The following MAP3K7CL variants were observed in gnomAD, a reference collection of about 807,000 sequenced individuals.
The protein encoded by MAP3K7CL is MAP3K7 C-terminal-like protein.
Under a neutral mutation model 18.6 loss-of-function variants are expected in MAP3K7CL, and 16 were observed. That is an observed-to-expected ratio of 0.86 (90% CI 0.58 to 1.31). The LOEUF (loss-of-function observed/expected upper bound fraction) is 1.31. Among genes scored for constraint, MAP3K7CL ranks in the 50% most tolerant of loss-of-function variants. The pLI is 0.00. For missense variants in MAP3K7CL, 163 were observed against 174.4 expected (o/e 0.93, Z 0.37); for synonymous variants, 65 against 66.8 (o/e 0.97, Z 0.13).
At chr21:29,150,169 T>C (rs1377200626) in intron 3 of MAP3K7CL, among the ~76,000 whole-genome samples, 1 of 152,216 alleles carries the variant, frequency 6.6e-6, no homozygotes, top group East Asian at 1.9e-4. Flanking sequence ...TGTCCTAACG[T>C]CATTTGAGTT....
At chr21:29,097,848 A>G (rs2086149974) in intron 4 of MAP3K7CL, among the ~76,000 whole-genome samples, 2 of 152,196 alleles carry the variant, frequency 1.3e-5, no homozygotes, top group Admixed American at 1.3e-4. Context: ...CTCAATTAAC[A>G]TAAACTGGTT....
chr21:29,145,880 C>G (rs914394604), intron 2 of MAP3K7CL, among the ~76,000 whole-genome samples: 1 of 148,176 alleles, frequency 6.7e-6, no homozygotes, highest in East Asian at 2.0e-4. Context: ...TTTATTTCAA[C>G]TCAAGGAGTC....
At chr21:29,088,810 C>T (rs2085970081) in intron 1 of MAP3K7CL, among the ~76,000 whole-genome samples, 1 of 152,086 alleles carries the variant, frequency 6.6e-6, no homozygotes, top group Non-Finnish European at 1.5e-5. Context: ...TCTTTGTTCT[C>T]CAGTTCAGAA....
At chr21:29,110,982 C>T (rs1036026781) in intron 4 of MAP3K7CL, among the ~76,000 whole-genome samples, 3 of 152,040 alleles carry the variant, frequency 2.0e-5, no homozygotes, top group Non-Finnish European at 4.4e-5. Flanking sequence ...GGGGGCTGGG[C>T]GCAGTGGCTC....
intron 4 of MAP3K7CL, 79 bp downstream of exon 4, chr21:29,160,135 C>T: frequency 9.0e-7 from 1 of 1,112,188 alleles, no homozygotes; most frequent in Non-Finnish European, 1.3e-6. Context: ...AGGGGACAGG[C>T]TGAGTGTGAG....
At chr21:29,109,237 G>A in intron 4 of MAP3K7CL, 1 of 1,535,064 alleles carries the variant, frequency 6.5e-7, no homozygotes, top group Non-Finnish European at 8.7e-7. Flanking sequence ...CTCCGAGGAA[G>A]AAGAAATTCC....
chr21:29,135,061 CAA>C (rs60478798), intron 2 of MAP3K7CL, among the ~76,000 whole-genome samples: 13 of 103,108 alleles, frequency 1.3e-4, no homozygotes, highest in East Asian at 5.0e-4. Flanking sequence ...AAAAAAAAAA[CAA>C]AAAAAACAAA....
At chr21:29,089,693 C>A (rs1412639848) in intron 1 of MAP3K7CL, among the ~76,000 whole-genome samples, 1 of 152,150 alleles carries the variant, frequency 6.6e-6, no homozygotes, top group African/African-American at 2.4e-5. Flanking sequence ...AAATAAACAG[C>A]ATAAATCTCT....
intron 4 of MAP3K7CL, among the ~76,000 whole-genome samples, chr21:29,117,528 A>G (rs2086522720): frequency 6.6e-6 from 1 of 152,246 alleles, no homozygotes; most frequent in Admixed American, 6.5e-5. Context: ...GAAAGTAGCT[A>G]AGCTAAAAAA....
At position 29,139,032 on chromosome 21, in the gene MAP3K7CL, T is replaced by G. The variant is rs150287535; in HGVS notation, c.70+5618T>G. On this transcript the variant is annotated intron_variant, in intron 2 of 4. Coordinates refer to ENST00000399928, the MANE Select transcript of MAP3K7CL (RefSeq NM_001286620.2). Reference sequence around the variant, plus strand: ...GGATATGAATTAATCGTATGACACTTAGTTTTTGTGTTTTTTTTGGTACTC... The same window carrying G: ...GGATATGAATTAATCGTATGACACTGAGTTTTTGTGTTTTTTTTGGTACTC... 2.3e-3 allele frequency among the ~76,000 whole-genome samples: 348 copies of G among 152,312 alleles called. 1 individual carries two copies. The highest frequency in any genetic ancestry group is 8.0e-3 in the African/African-American group (331 of 41,572).
At chr21:29,098,952 A>G (rs2086171688) in intron 4 of MAP3K7CL, among the ~76,000 whole-genome samples, 1 of 152,210 alleles carries the variant, frequency 6.6e-6, no homozygotes. Context: ...ATTCTCAAAG[A>G]TGCCAAAGTG....
In MAP3K7CL at chr21:29,130,841, A is replaced by G. The variant is rs2146619589; in HGVS notation, c.-122A>G. 2 of 985,514 alleles carry G rather than the reference A, an allele frequency of 2.0e-6. No homozygotes were observed. The highest frequency in any genetic ancestry group is 2.4e-6 in the Non-Finnish European group (2 of 830,012). The allele number at this position is 985,514 out of a possible 1,614,324, so 61.0% of individuals were successfully genotyped here. On this transcript the variant is annotated 5_prime_UTR_variant, in exon 1 of 5. Transcript: ENST00000399928. ...GCAGGTGCAGCCTGGTCTCTCACTG[A>G]GTCTCTACTCCACAAAGGCAACGAC...
intron 2 of MAP3K7CL, among the ~76,000 whole-genome samples, chr21:29,143,580 G>A (rs1568959221): frequency 1.3e-5 from 2 of 151,836 alleles, no homozygotes; most frequent in South Asian, 4.1e-4. Flanking sequence ...GTGCCACCAC[G>A]CCTGGCTAAT....
intron 3 of MAP3K7CL, among the ~76,000 whole-genome samples, chr21:29,153,863 C>CTG (rs570406499): frequency 6.6e-6 from 1 of 152,352 alleles, no homozygotes; most frequent in Admixed American, 6.5e-5. Flanking sequence ...GCCTGTCTTA[C>CTG]TGCTTAAGCA....
At position 29,174,886 on chromosome 21, in the gene MAP3K7CL, GTCCT is replaced by G; in HGVS notation, c.424_427del (p.Ser142AsnfsTer12). On this transcript the variant is annotated frameshift_variant and stop_lost, in exon 5 of 5. Coordinates refer to ENST00000399928, the MANE Select transcript of MAP3K7CL (RefSeq NM_001286620.2). LOFTEE classifies it high-confidence loss of function. ...TACAGTATCAGAAGAGGCAGGGCTC[GTCCT>G]AACTTTAAATTTTTCAGTGTGAGCA... The G allele has an allele frequency of 6.2e-7, 1 of 1,613,528 alleles. No homozygotes were observed. The highest frequency in any genetic ancestry group is 8.5e-7 in the Non-Finnish European group (1 of 1,179,722).
At chr21:29,110,645 C>G (rs1192390478) in intron 4 of MAP3K7CL, among the ~76,000 whole-genome samples, 1 of 152,114 alleles carries the variant, frequency 6.6e-6, no homozygotes, top group Non-Finnish European at 1.5e-5. Context: ...GATCCACCCC[C>G]GCTCAGTCTC....
At chr21:29,095,103 G>A (rs1318445444) in intron 4 of MAP3K7CL, among the ~76,000 whole-genome samples, 1 of 148,250 alleles carries the variant, frequency 6.7e-6, no homozygotes, top group Non-Finnish European at 1.5e-5. Context: ...GCAGAGGAGA[G>A]GGGAGGGGAG....
intron 4 of MAP3K7CL, chr21:29,121,916 A>T (rs2086600540): frequency 6.6e-6 from 1 of 151,990 alleles, no homozygotes; most frequent in Non-Finnish European, 1.5e-5. Flanking sequence ...AAGACCAAGG[A>T]TGTCACAGGC....
intron 4 of MAP3K7CL, among the ~76,000 whole-genome samples, chr21:29,114,129 C>T (rs1001284311): frequency 1.6e-4 from 23 of 148,134 alleles, no homozygotes; most frequent in African/African-American, 5.0e-4. Context: ...AGTGCAGTGG[C>T]GCAATCTCGG....
Sources: allele counts gnomAD v4.1 joint callset (sites outside exome capture counted in the v4.1 genomes callset), GRCh38; gene constraint gnomAD v4.1.1; transcripts MANE v1.5; gene names NCBI Gene and HGNC (gene_info 2026-07-23, HGNC 2026-07-21).